Variants in ZNF280C observed in about 807,000 individuals in gnomAD.
ZNF280C encodes zinc finger protein 280C.
ZNF280C carries 14 observed loss-of-function variants against 53.6 expected under a neutral mutation model. The ratio of observed to expected loss-of-function variants is 0.26; its 90% CI spans 0.17 to 0.41. ZNF280C has a LOEUF of 0.41. Ranked by LOEUF, ZNF280C falls within the 10% of genes least tolerant of loss-of-function variation. The pLI is 1.00. For missense variants in ZNF280C, 416 were observed against 547.1 expected (o/e 0.76, Z 2.39); for synonymous variants, 203 against 181.1 (o/e 1.12, Z -0.97).
rs753418997 is a variant in ZNF280C at position 130,251,798 on chromosome X, A to C, written c.32-4793T>G. ...CGCCAGACTTCGTCTGAAAAAAAAA[A>C]AAAAACAAAAACAAAAACAGAGGTG... On this transcript the variant is annotated intron_variant, in intron 2 of 18. Transcript: ENST00000370978. Among the ~76,000 whole-genome samples the C allele has an allele frequency of 3.9e-3, 426 of 109,652 alleles. 1 individual carries two copies. The highest frequency in any genetic ancestry group is 0.019 in the East Asian group (66 of 3,486).
intron 1 of ZNF280C, among the ~76,000 whole-genome samples, chrX:130,264,016 C>T (rs1296231553): frequency 1.3e-5 from 1 of 74,144 alleles, no homozygotes; most frequent in Non-Finnish European, 2.4e-5. Context: ...CAGAGTGAGA[C>T]ACCATCTCAA....
intron 16 of ZNF280C, among the ~76,000 whole-genome samples, chrX:130,206,368 T>G (rs969162919): frequency 2.1e-5 from 2 of 95,483 alleles, no homozygotes; most frequent in African/African-American, 3.9e-5. Context: ...TTAGTTTTTT[T>G]TTTTTTTTTT....
Sources: gnomAD v4.1 joint callset for allele counts (sites outside exome capture counted in the v4.1 genomes callset) on GRCh38, gnomAD v4.1.1 for gene constraint, MANE v1.5 for transcripts, NCBI Gene and HGNC (gene_info 2026-07-23, HGNC 2026-07-21) for gene names.